Variants in DYNLT2 observed in about 807,000 individuals in gnomAD.
The protein encoded by DYNLT2 is dynein light chain Tctex-type protein 2.
A neutral mutation model predicts 24.3 loss-of-function variants in DYNLT2; 24 were observed. That is an observed-to-expected ratio of 0.99 (90% CI 0.71 to 1.39). DYNLT2 has a LOEUF of 1.39. Ranked by LOEUF, DYNLT2 falls within the 40% of genes most tolerant of loss-of-function variation. The probability of loss-of-function intolerance (pLI) is 0.00; values close to 1 mark genes in which losing one functional copy is unlikely to be tolerated. For missense variants in DYNLT2, 246 were observed against 234.5 expected (o/e 1.05, Z -0.32); for synonymous variants, 85 against 85.4 (o/e 1.00, Z 0.03).
intron 1 of DYNLT2, among the ~76,000 whole-genome samples, chr6:169,745,084 T>TG (rs1397695945): frequency 1.3e-5 from 2 of 151,884 alleles, no homozygotes; most frequent in East Asian, 3.9e-4. Context: ...ATGTTTGCTG[T>TG]GAAGTTTTTT....
the DYNLT2 span, among the ~76,000 whole-genome samples, chr6:169,733,509 G>T: frequency 6.6e-6 from 1 of 152,256 alleles, no homozygotes; most frequent in East Asian, 1.9e-4. Flanking sequence ...CATATGGCTA[G>T]CCAGTTTTCC....
At chr6:169,733,378 G>A in the DYNLT2 span, among the ~76,000 whole-genome samples, 5 of 152,084 alleles carry the variant, frequency 3.3e-5, no homozygotes, top group East Asian at 5.8e-4. Flanking sequence ...TGTCCTGAAT[G>A]GTATTGCCTA....
chr6:169,728,912 T>C, the DYNLT2 span, among the ~76,000 whole-genome samples: 3 of 152,252 alleles, frequency 2.0e-5, no homozygotes, highest in Non-Finnish European at 2.9e-5. Flanking sequence ...TCAGGAATTC[T>C]TTAATACAAA....
intron 1 of DYNLT2, among the ~76,000 whole-genome samples, chr6:169,746,634 C>T (rs1310169528): frequency 6.6e-6 from 1 of 152,054 alleles, no homozygotes; most frequent in Non-Finnish European, 1.5e-5. Flanking sequence ...ACATCCCTGC[C>T]ATGTCTGGTT....
chr6:169,745,200 C>G (rs1157738732), intron 1 of DYNLT2, among the ~76,000 whole-genome samples: 5 of 151,846 alleles, frequency 3.3e-5, no homozygotes, highest in Non-Finnish European at 7.4e-5. Flanking sequence ...TGAAGTTATT[C>G]TTCTGCCTCA....
At chr6:169,747,504 C>A (rs990868269) in intron 1 of DYNLT2, among the ~76,000 whole-genome samples, 5 of 152,204 alleles carry the variant, frequency 3.3e-5, no homozygotes, top group African/African-American at 1.2e-4. Context: ...CAGCATCCCC[C>A]CCAATTTCCA....
intron 3 of DYNLT2, among the ~76,000 whole-genome samples, chr6:169,740,955 C>G (rs1262198571): frequency 2.0e-5 from 3 of 151,908 alleles, no homozygotes; most frequent in Admixed American, 6.6e-5. Context: ...ATTACAGGTG[C>G]CTGCCACCAC....
chr6:169,751,125 A>T (rs1045007017), intron 1 of DYNLT2: 10 of 641,964 alleles, frequency 1.6e-5, no homozygotes, highest in South Asian at 2.2e-5. Context: ...GGCCCTAATT[A>T]AAAAACAAGA....
rs147916907 is a variant in DYNLT2, at chr6:169,740,695, C to T, written c.487-400G>A. On this transcript the variant is annotated intron_variant, in intron 3 of 3. Coordinates refer to ENST00000366774, the MANE Select transcript of DYNLT2 (RefSeq NM_174910.3). ...GCCTTGCCTTGAAATGAAGAAATGGCAGTAACTATACAAGTAGGCTGTTAC... is the reference window on the plus strand; with the variant it reads ...GCCTTGCCTTGAAATGAAGAAATGGTAGTAACTATACAAGTAGGCTGTTAC... Among the ~76,000 whole-genome samples the T allele has an allele frequency of 1.4e-4, 21 of 152,238 alleles. No homozygotes were observed. The East Asian group carries it at 3.3e-3, about 24-fold the overall frequency.
chr6:169,738,927 T>C (rs1178131371), downstream of DYNLT2: 1 of 152,178 alleles, frequency 6.6e-6, no homozygotes, highest in Non-Finnish European at 1.5e-5. Context: ...GCAGGAATCA[T>C]ATTTCAGCTC....
chr6:169,748,137 C>G (rs1399975672), intron 1 of DYNLT2, among the ~76,000 whole-genome samples: 1 of 152,142 alleles, frequency 6.6e-6, no homozygotes, highest in Non-Finnish European at 1.5e-5. Flanking sequence ...TTCTCCACCT[C>G]CACTCTCCAC....
chr6:169,738,083 G>A (rs904002300), downstream of DYNLT2, among the ~76,000 whole-genome samples: 5 of 152,222 alleles, frequency 3.3e-5, no homozygotes, highest in East Asian at 3.9e-4. Flanking sequence ...CACTCTGGCC[G>A]CAGACTGCCA....
downstream of DYNLT2, chr6:169,740,071 T>G (rs1456508245): frequency 2.0e-5 from 14 of 696,266 alleles, no homozygotes; most frequent in East Asian, 3.6e-4. Context: ...TTGAAAGGCC[T>G]CAAATGAGAA....
At chr6:169,737,518 G>T (rs543338940), downstream of DYNLT2, among the ~76,000 whole-genome samples, 5 of 152,074 alleles carry the variant, frequency 3.3e-5, no homozygotes, top group South Asian at 8.3e-4. Context: ...GGCCTTTTTT[G>T]TTGTTGTTGT....
chr6:169,750,277 CAT>C (rs1789944057), intron 1 of DYNLT2: 1 of 152,204 alleles, frequency 6.6e-6, no homozygotes, highest in African/African-American at 2.4e-5. Flanking sequence ...TACTCAGACT[CAT>C]TGCCAAGAAA....
At chr6:169,740,076 T>G, downstream of DYNLT2, 2 of 721,920 alleles carry the variant, frequency 2.8e-6, no homozygotes, top group Non-Finnish European at 4.5e-6. Flanking sequence ...AGGCCTCAAA[T>G]GAGAATAAGA....
the DYNLT2 span, chr6:169,725,228 C>T: frequency 2.5e-6 from 1 of 398,800 alleles, no homozygotes; most frequent in Non-Finnish European, 4.4e-6. Flanking sequence ...ATTCCACTGC[C>T]TGCGCCTGCA....
chr6:169,744,113 T>A lies in DYNLT2; in HGVS notation c.282A>T (p.Lys94Asn). Residue 94 changes from lysine to asparagine, a missense_variant, in exon 2 of 4, where the codon AAA (lysine) becomes AAT (asparagine). Lys to Asn is a moderately conservative substitution (Grantham distance 94, BLOSUM62 0). Coordinates refer to ENST00000366774, the MANE Select transcript of DYNLT2 (RefSeq NM_174910.3). Reference protein sequence around the residue: ...ANSYRMEPLKKFQAHSVETKV... With the variant: ...ANSYRMEPLKNFQAHSVETKV... ...TAGTTTCTACTGAATGAGCTTGGAA[T>A]TTCTTCAATGGCTCCATTCTATATG... is the stretch of plus-strand genomic sequence containing the variant. 1 of 1,613,100 alleles carries A rather than the reference T, an allele frequency of 6.2e-7. No homozygotes were observed. The highest frequency in any genetic ancestry group is 8.5e-7 in the Non-Finnish European group (1 of 1,179,982).
chr6:169,731,056 G>T, the DYNLT2 span, among the ~76,000 whole-genome samples: 1 of 152,056 alleles, frequency 6.6e-6, no homozygotes, highest in South Asian at 2.1e-4. Flanking sequence ...GGTTTTCTTG[G>T]TACAGGTCTC....
Sources: allele counts gnomAD v4.1 joint callset (sites outside exome capture counted in the v4.1 genomes callset), GRCh38; gene constraint gnomAD v4.1.1; transcripts MANE v1.5; gene names NCBI Gene and HGNC (gene_info 2026-07-23, HGNC 2026-07-21).